The following SMG6 variants were observed in gnomAD, a reference collection of about 807,000 sequenced individuals.
SMG6 encodes the protein telomerase-binding protein EST1A.
A neutral mutation model predicts 142.2 loss-of-function variants in SMG6; 66 were observed. The ratio of observed to expected loss-of-function variants is 0.46; its 90% CI spans 0.38 to 0.57. The LOEUF (loss-of-function observed/expected upper bound fraction) is 0.57. Among genes scored for constraint, SMG6 ranks in the 20% least tolerant of loss-of-function variants. The pLI is 0.00. For missense variants in SMG6, 1,793 were observed against 1,832.0 expected, an observed-to-expected ratio of 0.98 and a Z score of 0.39; for synonymous variants, 779 against 702.4, an observed-to-expected ratio of 1.11 and a Z score of -1.72.
chr17:2,110,767 T>A (rs1406658170), intron 13 of SMG6, among the ~76,000 whole-genome samples: 1 of 152,126 alleles, frequency 6.6e-6, no homozygotes, highest in Admixed American at 6.6e-5. Context: ...GCAAAGTATA[T>A]ACATGTGCTC....
chr17:2,164,545 T>C (rs778081198), intron 13 of SMG6, among the ~76,000 whole-genome samples: 1 of 151,312 alleles, frequency 6.6e-6, no homozygotes, highest in African/African-American at 2.4e-5. Flanking sequence ...GAGGTGGAGG[T>C]TGCAGCGTGC....
At chr17:2,233,102 T>C (rs967020240) in intron 10 of SMG6, 2 of 152,178 alleles carry the variant, frequency 1.3e-5, no homozygotes, top group African/African-American at 2.4e-5. Context: ...ACGGTAGCAT[T>C]AGAGGCACCA....
rs963208012 is a variant in SMG6, at chr17:2,085,481, C to A, written c.3534+244G>T. Reference sequence around the variant, plus strand: ...TTATTCAACTCCTTTCTTTCTTTTCCTCCCTTCTCCTCAATGCAGCATTAA... The same window carrying A: ...TTATTCAACTCCTTTCTTTCTTTTCATCCCTTCTCCTCAATGCAGCATTAA... On this transcript the variant is annotated intron_variant, in intron 14 of 18. Coordinates refer to ENST00000263073, the MANE Select transcript of SMG6 (RefSeq NM_017575.5). This position sits in a 1 kb window ranked among gnomAD's most constrained non-coding sequence, Gnocchi z 4.1. 2.6e-5 allele frequency among the ~76,000 whole-genome samples: 4 copies of A among 152,170 alleles called. No homozygotes were observed. Among genetic ancestry groups the A allele is most frequent in the African/African-American group, 9.7e-5 (4 of 41,428 alleles).
intron 13 of SMG6, among the ~76,000 whole-genome samples, chr17:2,116,556 G>T (rs2069512617): frequency 6.6e-6 from 1 of 152,084 alleles, no homozygotes; most frequent in Non-Finnish European, 1.5e-5. Context: ...GACCAGCCTG[G>T]CCAACATGGT....
At chr17:2,219,958 G>C (rs2073127910) in intron 10 of SMG6, among the ~76,000 whole-genome samples, 1 of 152,178 alleles carries the variant, frequency 6.6e-6, no homozygotes, top group African/African-American at 2.4e-5. Flanking sequence ...GTCTGGCTGT[G>C]TTTCCTAGGC....
intron 13 of SMG6, among the ~76,000 whole-genome samples, chr17:2,152,349 G>C (rs2070852473): frequency 6.6e-6 from 1 of 152,190 alleles, no homozygotes; most frequent in Admixed American, 6.5e-5. Flanking sequence ...TCTACTAAGA[G>C]AGCCTGTGAA....
chr17:2,146,723 G>A (rs1205153915), intron 13 of SMG6, among the ~76,000 whole-genome samples: 3 of 152,060 alleles, frequency 2.0e-5, no homozygotes, highest in Non-Finnish European at 2.9e-5. Flanking sequence ...ATGCTGCCAC[G>A]CCCGGCTAAG....
At position 2,091,716 on chromosome 17, in the gene SMG6, G is replaced by A. The variant is rs540189554; in HGVS notation, c.3358-5815C>T. On this transcript the variant is annotated intron_variant, in intron 13 of 18. Coordinates refer to ENST00000263073, the MANE Select transcript of SMG6 (RefSeq NM_017575.5). Reference sequence around the variant, plus strand: ...GAGAGAGTCTCGCTCTGTTGCCCAGGCTGGAGTGCAGTGGTGCGATCTCGG... The same window carrying A: ...GAGAGAGTCTCGCTCTGTTGCCCAGACTGGAGTGCAGTGGTGCGATCTCGG... Among the ~76,000 whole-genome samples the A allele has an allele frequency of 1.4e-3, 218 of 150,730 alleles. 1 individual carries two copies. Among genetic ancestry groups the A allele is most frequent in the Non-Finnish European group, 2.3e-3 (159 of 67,808 alleles).
chr17:2,196,434 C>A (rs565467329), intron 10 of SMG6, among the ~76,000 whole-genome samples: 135 of 152,136 alleles, frequency 8.9e-4, no homozygotes, highest in Non-Finnish European at 1.5e-3. Context: ...AAAAACAAAA[C>A]CCAGAAAATA....
chr17:2,127,895 C>G lies in SMG6; in HGVS notation c.3358-41994G>C, dbSNP rs563920738. 2.8e-5 allele frequency: 16 copies of G among 565,550 alleles called. No individual in the cohort carries two copies. The Admixed American group carries it at 3.1e-4, about 11-fold the overall frequency. 35.0% of individuals were successfully genotyped at this position (565,550 alleles called of 1,614,324 possible). On this transcript the variant is annotated intron_variant, in intron 13 of 18. Coordinates refer to ENST00000263073, the MANE Select transcript of SMG6 (RefSeq NM_017575.5). ...ATCTTGGTGGCCATATCTTTGTAGA[C>G]GATGTCCACGTTGGCCTCCAGTACC...
chr17:2,135,690 G>A (rs1199802833), intron 13 of SMG6, among the ~76,000 whole-genome samples: 1 of 152,122 alleles, frequency 6.6e-6, no homozygotes, highest in African/African-American at 2.4e-5. Flanking sequence ...AATTAACTAA[G>A]TTTTGACTGA....
At chr17:2,207,401 G>C (rs935031303) in intron 10 of SMG6, among the ~76,000 whole-genome samples, 1 of 152,124 alleles carries the variant, frequency 6.6e-6, no homozygotes, top group African/African-American at 2.4e-5. Flanking sequence ...ATCTAATGCA[G>C]TTGTTTAGTC....
chr17:2,100,986 ACT>A (rs1291178182), intron 13 of SMG6: 3 of 152,150 alleles, frequency 2.0e-5, no homozygotes, highest in African/African-American at 7.2e-5. Flanking sequence ...ACTTATGAAC[ACT>A]GAGTTTTAGA....
intron 9 of SMG6, among the ~76,000 whole-genome samples, chr17:2,242,567 A>T (rs2073832580): frequency 6.7e-6 from 1 of 150,296 alleles, no homozygotes; most frequent in South Asian, 2.1e-4. Flanking sequence ...TGGTGGTGTG[A>T]GCATGCAGTC....
At chr17:2,274,057 A>G (rs1324652403) in intron 8 of SMG6, among the ~76,000 whole-genome samples, 1 of 152,270 alleles carries the variant, frequency 6.6e-6, no homozygotes, top group Non-Finnish European at 1.5e-5. Context: ...CCCACAGGCC[A>G]AATTCAATCC....
At chr17:2,065,739 C>T (rs2067924416) in intron 16 of SMG6, 60 bp from the exon 17 acceptor site, 2 of 1,414,024 alleles carry the variant, frequency 1.4e-6, no homozygotes, top group East Asian at 2.4e-5. Flanking sequence ...TCCTAGGCCT[C>T]TGTCCATTCA....
At chr17:2,215,933 TC>T (rs916690252) in intron 10 of SMG6, 13 of 152,044 alleles carry the variant, frequency 8.6e-5, no homozygotes, top group African/African-American at 3.1e-4. Context: ...ACCAACCCCT[TC>T]CCAAGCCATG....
Position 2,300,546 on chromosome 17 carries a change from A to G in SMG6, c.207T>C (p.Pro69=), listed in dbSNP as rs1195764186. ...TTTCATCTTTGAATTCCTCACTCCC[A>G]GGGGGTTCCTTGATTTTGGGCTTGT... ...LRNKPKIKEP[P]GSEEFKDEIV... The change falls in exon 2 of 19, where the codon CCT becomes CCC. Residue 69 remains proline, a synonymous_variant. Transcript: ENST00000263073. The G allele has an allele frequency of 1.2e-6, 2 of 1,613,874 alleles. No homozygotes were observed. Among genetic ancestry groups the G allele is most frequent in the Non-Finnish European group, 1.7e-6 (2 of 1,179,950 alleles).
intron 10 of SMG6, 23 bp from the exon 11 acceptor site, chr17:2,188,538 C>T (rs2072063454): frequency 6.2e-7 from 1 of 1,604,542 alleles, no homozygotes; most frequent in South Asian, 1.1e-5. Flanking sequence ...AAATGAAACT[C>T]TCAGCGCCCC....
Sources: allele counts gnomAD v4.1 joint callset (sites outside exome capture counted in the v4.1 genomes callset), GRCh38; gene constraint gnomAD v4.1.1; non-coding constraint Gnocchi (gnomAD v3.1); transcripts MANE v1.5; gene names NCBI Gene and HGNC (gene_info 2026-07-23, HGNC 2026-07-21).